The following SLC35A1 variants were observed in gnomAD, a reference collection of about 807,000 sequenced individuals.
SLC35A1 encodes solute carrier family 35 member A1, also known as CMP-sialic acid transporter.
In SLC35A1, 21 loss-of-function variants were observed where a neutral mutation model predicts 40.3. The ratio of observed to expected loss-of-function variants is 0.52; its 90% CI spans 0.37 to 0.75. SLC35A1 has a LOEUF of 0.75. Ranked by LOEUF, SLC35A1 falls within the 30% of genes least tolerant of loss-of-function variation. The pLI is 0.00. For missense variants in SLC35A1, 297 were observed against 382.1 expected (o/e 0.78, Z 1.86); for synonymous variants, 146 against 147.3 (o/e 0.99, Z 0.06).
chr6:87,510,637 C>T (rs1770232682), intron 7 of SLC35A1, among the ~76,000 whole-genome samples: 1 of 152,092 alleles, frequency 6.6e-6, no homozygotes, highest in Non-Finnish European at 1.5e-5. Flanking sequence ...AATCCCAGCA[C>T]TTTGGGAGGC....
At chr6:87,501,058 A>G (rs1472736406) in intron 3 of SLC35A1, 100 bp from the exon 4 acceptor site, 52 of 1,218,998 alleles carry the variant, frequency 4.3e-5, no homozygotes, top group Non-Finnish European at 6.1e-5. Context: ...CCATTATCAA[A>G]TATTTTTTAT....
chr6:87,507,521 G>A (rs1582196331), intron 5 of SLC35A1, among the ~76,000 whole-genome samples: 1 of 152,218 alleles, frequency 6.6e-6, no homozygotes, highest in East Asian at 1.9e-4. Context: ...CTGGATAAAT[G>A]CTTCTCCCAG....
At chr6:87,495,694 C>T (rs182330128) in intron 2 of SLC35A1, among the ~76,000 whole-genome samples, 5 of 150,654 alleles carry the variant, frequency 3.3e-5, no homozygotes, top group Admixed American at 2.6e-4. Flanking sequence ...CTAGCTCTGT[C>T]GCCCAGGCTG....
At chr6:87,479,760 G>T (rs1011026887) in intron 2 of SLC35A1, among the ~76,000 whole-genome samples, 1 of 152,184 alleles carries the variant, frequency 6.6e-6, no homozygotes, top group Non-Finnish European at 1.5e-5. Context: ...GGTTATAATA[G>T]ATGTAGTTTA....
intron 5 of SLC35A1, 77 bp downstream of exon 5, chr6:87,506,525 A>G (rs982139746): frequency 3.5e-6 from 4 of 1,146,192 alleles, no homozygotes; most frequent in Non-Finnish European, 5.3e-6. Flanking sequence ...AGTCTAGTTT[A>G]TCTTGCTTTC....
intron 2 of SLC35A1, among the ~76,000 whole-genome samples, chr6:87,495,171 G>A (rs1562022911): frequency 1.3e-5 from 2 of 152,110 alleles, no homozygotes; most frequent in Non-Finnish European, 2.9e-5. Context: ...TGTTGTCCAG[G>A]CTGGTCTCAA....
At chr6:87,509,889 CAATT>C (rs917115883) in intron 7 of SLC35A1, among the ~76,000 whole-genome samples, 27 of 152,028 alleles carry the variant, frequency 1.8e-4, no homozygotes, top group African/African-American at 6.3e-4. Flanking sequence ...CTTTACTGAT[CAATT>C]ATTATAATAT....
At chr6:87,481,601 A>G (rs1002914194) in intron 2 of SLC35A1, among the ~76,000 whole-genome samples, 3 of 152,182 alleles carry the variant, frequency 2.0e-5, no homozygotes, top group African/African-American at 7.2e-5. Flanking sequence ...CAGATAAGCT[A>G]AATTTCACCT....
chr6:87,497,610 T>C (rs528395101), intron 2 of SLC35A1, among the ~76,000 whole-genome samples: 4 of 152,272 alleles, frequency 2.6e-5, no homozygotes, highest in African/African-American at 9.6e-5. Flanking sequence ...TCGTGATTAT[T>C]TGGAGTAGCA....
At chr6:87,508,016 G>A (rs73752035) in intron 5 of SLC35A1, among the ~76,000 whole-genome samples, 97 of 152,206 alleles carry the variant, frequency 6.4e-4, no homozygotes, top group Middle Eastern at 3.4e-3. Context: ...GTATTCATTA[G>A]TAGGCAGATA....
At position 87,508,417 on chromosome 6, in the gene SLC35A1, C is replaced by T. The variant is rs1441597966; in HGVS notation, c.575-3C>T. ...AATATTTGCATGTCTAATTTTCTTT[C>T]AGGAGTATATTTTGAAAAAGTTTTA... is the stretch of plus-strand genomic sequence containing the variant. On this transcript the variant is annotated splice_region_variant and splice_polypyrimidine_tract_variant and intron_variant, in intron 5 of 7. Coordinates refer to ENST00000369552, the MANE Select transcript of SLC35A1 (RefSeq NM_006416.5). 1 of 1,580,108 alleles carries T rather than the reference C, an allele frequency of 6.3e-7. No individual in the cohort carries two copies. Among genetic ancestry groups the T allele is most frequent in the African/African-American group, 1.3e-5 (1 of 74,100 alleles).
At chr6:87,497,197 T>G (rs74360314) in intron 2 of SLC35A1, among the ~76,000 whole-genome samples, 2 of 24,862 alleles carry the variant, frequency 8.0e-5, no homozygotes, top group Non-Finnish European at 1.3e-4. Context: ...GCATCCTCTG[T>G]TTTTTTTTGT....
intron 4 of SLC35A1, among the ~76,000 whole-genome samples, chr6:87,502,022 T>C (rs998714725): frequency 3.9e-5 from 6 of 152,166 alleles, no homozygotes; most frequent in African/African-American, 7.2e-5. Context: ...GAATATTTAC[T>C]CTAACTTTTA....
At chr6:87,473,480 C>T (rs916937005) in intron 1 of SLC35A1, among the ~76,000 whole-genome samples, 1 of 152,182 alleles carries the variant, frequency 6.6e-6, no homozygotes, top group Non-Finnish European at 1.5e-5. Context: ...AGATCCCATG[C>T]GGCGGCTGGG....
intron 4 of SLC35A1, among the ~76,000 whole-genome samples, chr6:87,505,002 T>TA (rs1230333917): frequency 6.6e-6 from 1 of 152,226 alleles, no homozygotes; most frequent in Non-Finnish European, 1.5e-5. Context: ...AACAGATTGC[T>TA]AGGCCCATTC....
chr6:87,498,674 G>A (rs1037388862), intron 2 of SLC35A1, among the ~76,000 whole-genome samples: 2 of 152,140 alleles, frequency 1.3e-5, no homozygotes, highest in African/African-American at 2.4e-5. Flanking sequence ...AGGAGGCTGA[G>A]GTAGGAGAAT....
intron 2 of SLC35A1, among the ~76,000 whole-genome samples, chr6:87,499,886 C>T (rs1394552773): frequency 2.0e-5 from 3 of 152,096 alleles, no homozygotes; most frequent in South Asian, 2.1e-4. Context: ...GAGGCCGAGG[C>T]GGGCAGATCA....
At chr6:87,488,905 C>G (rs1343939824) in intron 2 of SLC35A1, among the ~76,000 whole-genome samples, 3 of 152,226 alleles carry the variant, frequency 2.0e-5, no homozygotes, top group Admixed American at 2.0e-4. Context: ...TAGAGAGGTT[C>G]TATAACCAGG....
intron 2 of SLC35A1, among the ~76,000 whole-genome samples, chr6:87,486,489 T>G (rs1769393603): frequency 6.6e-6 from 1 of 152,208 alleles, no homozygotes; most frequent in Non-Finnish European, 1.5e-5. Context: ...ACTATTCTAG[T>G]GTTTTCACTA....
Sources: gnomAD v4.1 joint callset for allele counts (sites outside exome capture counted in the v4.1 genomes callset) on GRCh38, gnomAD v4.1.1 for gene constraint, MANE v1.5 for transcripts, NCBI Gene and HGNC (gene_info 2026-07-23, HGNC 2026-07-21) for gene names.